KCNH8: variants seen among roughly 807,000 people sequenced by gnomAD.
KCNH8 encodes voltage-gated delayed rectifier potassium channel KCNH8.
A neutral mutation model predicts 103.6 loss-of-function variants in KCNH8; 70 were observed. The ratio of observed to expected loss-of-function variants is 0.68; its 90% CI spans 0.56 to 0.82. KCNH8 has a LOEUF of 0.82. Among genes scored for constraint, KCNH8 ranks in the 40% least tolerant of loss-of-function variants. The pLI, the probability that KCNH8 is intolerant of heterozygous loss-of-function variation, is 0.00. For missense variants in KCNH8, 1,217 were observed against 1,329.9 expected (o/e 0.92, Z 1.32); for synonymous variants, 498 against 489.4 (o/e 1.02, Z -0.23).
At chr3:19,379,926 ATC>A (rs2125123754) in intron 5 of KCNH8, among the ~76,000 whole-genome samples, 1 of 152,338 alleles carries the variant, frequency 6.6e-6, no homozygotes, top group African/African-American at 2.4e-5. Flanking sequence ...CAGTAAAACT[ATC>A]TCTATGTAAT....
intron 2 of KCNH8, among the ~76,000 whole-genome samples, chr3:19,277,682 A>G (rs2064694005): frequency 6.6e-6 from 1 of 152,178 alleles, no homozygotes; most frequent in Non-Finnish European, 1.5e-5. Flanking sequence ...AAGTACCAAA[A>G]TGGAGACAAG....
intron 3 of KCNH8, among the ~76,000 whole-genome samples, chr3:19,335,201 A>G (rs1559481291): frequency 6.6e-6 from 1 of 151,774 alleles, no homozygotes; most frequent in Non-Finnish European, 1.5e-5. Context: ...AAAAACACAA[A>G]TGTTTACTGA....
chr3:19,284,098 T>G (rs541438916), intron 3 of KCNH8, among the ~76,000 whole-genome samples: 1 of 152,234 alleles, frequency 6.6e-6, no homozygotes, highest in South Asian at 2.1e-4. Context: ...AGTGTTTGAT[T>G]ATTAAAATGT....
intron 3 of KCNH8, among the ~76,000 whole-genome samples, chr3:19,288,706 T>C (rs2064872892): frequency 6.6e-6 from 1 of 152,220 alleles, no homozygotes; most frequent in African/African-American, 2.4e-5. Flanking sequence ...TACATGTGTC[T>C]TTATAGCAGC....
intron 3 of KCNH8, among the ~76,000 whole-genome samples, chr3:19,325,812 G>A (rs1401760561): frequency 1.3e-5 from 2 of 152,044 alleles, no homozygotes; most frequent in South Asian, 2.1e-4. Context: ...AATACCATTA[G>A]ACCCAGCAAT....
At chr3:19,170,603 T>TAA (rs2063332134) in intron 1 of KCNH8, among the ~76,000 whole-genome samples, 1 of 144,212 alleles carries the variant, frequency 6.9e-6, no homozygotes, top group East Asian at 2.0e-4. Flanking sequence ...TATATATATA[T>TAA]ATATATGTAT....
intron 1 of KCNH8, among the ~76,000 whole-genome samples, chr3:19,200,269 T>A (rs944107779): frequency 3.9e-5 from 6 of 152,076 alleles, no homozygotes; most frequent in Non-Finnish European, 5.9e-5. Context: ...TAAATGTGGC[T>A]GAAAATGTAT....
chr3:19,157,149 C>T (rs1432445205), intron 1 of KCNH8, among the ~76,000 whole-genome samples: 3 of 151,894 alleles, frequency 2.0e-5, no homozygotes, highest in Non-Finnish European at 4.4e-5. Context: ...AAAAAGGATC[C>T]ACATAAGAAG....
intron 11 of KCNH8, among the ~76,000 whole-genome samples, chr3:19,487,955 A>G (rs1193199079): frequency 6.6e-6 from 1 of 152,160 alleles, no homozygotes; most frequent in African/African-American, 2.4e-5. Flanking sequence ...TTTCTCGGGT[A>G]AGGGGGTGAC....
At chr3:19,238,918 C>G (rs2064099200) in intron 1 of KCNH8, among the ~76,000 whole-genome samples, 1 of 152,118 alleles carries the variant, frequency 6.6e-6, no homozygotes, top group Non-Finnish European at 1.5e-5. Flanking sequence ...AATTTTTACT[C>G]ACACTAAAAT....
intron 3 of KCNH8, among the ~76,000 whole-genome samples, chr3:19,317,285 C>G (rs1361154298): frequency 6.6e-6 from 1 of 151,898 alleles, no homozygotes; most frequent in African/African-American, 2.4e-5. Context: ...AATTTTCACA[C>G]TAGAATTCTT....
At chr3:19,160,062 A>G (rs2063219035) in intron 1 of KCNH8, among the ~76,000 whole-genome samples, 1 of 152,134 alleles carries the variant, frequency 6.6e-6, no homozygotes, top group South Asian at 2.1e-4. Context: ...TTGATGATGC[A>G]TAGATAACTG....
intron 3 of KCNH8, among the ~76,000 whole-genome samples, chr3:19,305,861 G>C (rs2065123322): frequency 1.3e-5 from 2 of 151,978 alleles, no homozygotes; most frequent in Admixed American, 6.6e-5. Context: ...GATGGAAAGA[G>C]GGTATGTGTG....
chr3:19,398,087 G>T (rs568878169), intron 7 of KCNH8, among the ~76,000 whole-genome samples: 6 of 152,008 alleles, frequency 3.9e-5, no homozygotes, highest in African/African-American at 1.4e-4. Context: ...AACATTAGAT[G>T]TATAAAAATA....
intron 5 of KCNH8, among the ~76,000 whole-genome samples, chr3:19,351,575 A>G (rs1308347723): frequency 6.6e-6 from 1 of 152,212 alleles, no homozygotes; most frequent in Non-Finnish European, 1.5e-5. Flanking sequence ...AGTGGGGACC[A>G]ATATTCAACA....
At chr3:19,388,060 A>G (rs2125129180) in intron 5 of KCNH8, among the ~76,000 whole-genome samples, 1 of 152,082 alleles carries the variant, frequency 6.6e-6, no homozygotes, top group Admixed American at 6.6e-5. Context: ...TCATTCTTCC[A>G]TTCATGGGAG....
intron 11 of KCNH8, among the ~76,000 whole-genome samples, chr3:19,464,822 C>G (rs1265164537): frequency 6.6e-6 from 1 of 152,110 alleles, no homozygotes; most frequent in African/African-American, 2.4e-5. Context: ...TTGTACACCT[C>G]TTCCCTCCTC....
At chr3:19,149,490 T>C (rs2063108101) in intron 1 of KCNH8, among the ~76,000 whole-genome samples, 1 of 151,934 alleles carries the variant, frequency 6.6e-6, no homozygotes, top group African/African-American at 2.4e-5. Context: ...GACATTTAGC[T>C]CATTTAAGCT....
At chr3:19,359,538 G>A (rs190805007) in intron 5 of KCNH8, among the ~76,000 whole-genome samples, 3 of 151,908 alleles carry the variant, frequency 2.0e-5, no homozygotes, top group South Asian at 2.1e-4. Context: ...TTCCTCAACC[G>A]TGGGACGACT....
Sources: gnomAD v4.1 joint callset for allele counts (sites outside exome capture counted in the v4.1 genomes callset) on GRCh38, gnomAD v4.1.1 for gene constraint, MANE v1.5 for transcripts, NCBI Gene and HGNC (gene_info 2026-07-23, HGNC 2026-07-21) for gene names.